LARP1: variants seen among roughly 807,000 people sequenced by gnomAD.
The protein encoded by LARP1 is la-related protein 1.
Under a neutral mutation model 122.7 loss-of-function variants are expected in LARP1, and 36 were observed. The ratio of observed to expected loss-of-function variants is 0.29; its 90% CI spans 0.22 to 0.39. The LOEUF (loss-of-function observed/expected upper bound fraction) is 0.39. Ranked by LOEUF, LARP1 falls within the 10% of genes least tolerant of loss-of-function variation. The probability of loss-of-function intolerance (pLI) is 1.00; values close to 1 mark genes in which losing one functional copy is unlikely to be tolerated. For missense variants in LARP1, 1,040 were observed against 1,403.6 expected (o/e 0.74, Z 4.14); for synonymous variants, 539 against 528.7 (o/e 1.02, Z -0.27).
Position 154,792,817 on chromosome 5 carries a change from C to G in LARP1, c.739+21C>G, listed in dbSNP as rs376510099. ...GAAAGGTGAGTGACTGGGAGCAGGA[C>G]TTGGGAGAAGGTGGCAGGGTAGAAC... On this transcript the variant is annotated intron_variant, in intron 4 of 18. Transcript: ENST00000518297. 4 of 1,611,318 alleles carry G rather than the reference C, an allele frequency of 2.5e-6. No individual in the cohort carries two copies. In the South Asian group the frequency reaches 3.3e-5, roughly 13 times the overall value.
chr5:154,765,831 G>C (rs563576563), intron 1 of LARP1, among the ~76,000 whole-genome samples: 1 of 152,192 alleles, frequency 6.6e-6, no homozygotes, highest in Non-Finnish European at 1.5e-5. Context: ...AATGAATTGC[G>C]TATTTTTAAT....
chr5:154,735,995 C>T (rs1756872968), intron 1 of LARP1, among the ~76,000 whole-genome samples: 1 of 152,026 alleles, frequency 6.6e-6, no homozygotes, highest in African/African-American at 2.4e-5. Flanking sequence ...TCTTAGCTCA[C>T]TGCAGCCTTT....
At chr5:154,792,995 AT>A (rs1431734745) in intron 4 of LARP1, among the ~76,000 whole-genome samples, 199 bp downstream of exon 4, 1 of 152,236 alleles carries the variant, frequency 6.6e-6, no homozygotes, top group Non-Finnish European at 1.5e-5. Flanking sequence ...ACCTGCTGAA[AT>A]TTTGGCTTCT....
At chr5:154,798,529 G>T (rs1184286178) in intron 8 of LARP1, among the ~76,000 whole-genome samples, 1 of 152,060 alleles carries the variant, frequency 6.6e-6, no homozygotes, top group Non-Finnish European at 1.5e-5. Flanking sequence ...GGATGTTTTG[G>T]TTGTTTTTTT....
chr5:154,749,352 G>A (rs1189866269), intron 1 of LARP1, among the ~76,000 whole-genome samples: 1 of 152,164 alleles, frequency 6.6e-6, no homozygotes, highest in Non-Finnish European at 1.5e-5. Context: ...GGGTGAGTGT[G>A]TTAAAAGTTA....
Position 154,794,113 on chromosome 5 carries a change from C to T in LARP1, c.1083C>T (p.Tyr361=). The T allele has an allele frequency of 6.2e-7, 1 of 1,614,180 alleles. No individual in the cohort carries two copies. Among genetic ancestry groups the T allele is most frequent in the Non-Finnish European group, 8.5e-7 (1 of 1,180,022 alleles). ...TTTCCCCCATAGCCCATTTTGACTA[C>T]CAGTTTGGCTACCGAAAGTTTGATG... ...GRGGTRTHFD[Y]QFGYRKFDGV... Residue 361 remains tyrosine (Y), a synonymous_variant, in exon 7 of 19, where the codon TAC becomes TAT. Transcript: ENST00000518297.
At chr5:154,692,648 A>G (rs972893663) in intron 1 of LARP1, among the ~76,000 whole-genome samples, 1 of 152,190 alleles carries the variant, frequency 6.6e-6, no homozygotes, top group Non-Finnish European at 1.5e-5. Context: ...CAGGGTAAAG[A>G]GTTCTTCGTC....
chr5:154,810,310 C>G (rs1582489620), intron 16 of LARP1, among the ~76,000 whole-genome samples: 1 of 151,568 alleles, frequency 6.6e-6, no homozygotes, highest in East Asian at 2.0e-4. Context: ...GTGGCACATG[C>G]CTGTAGTTCC....
intron 1 of LARP1, among the ~76,000 whole-genome samples, chr5:154,715,539 G>A (rs1278651422): frequency 1.3e-5 from 2 of 151,992 alleles, no homozygotes; most frequent in African/African-American, 2.4e-5. Flanking sequence ...CACCGTGCCC[G>A]ACCAAGCCTG....
chr5:154,700,740 C>T (rs926872542), intron 1 of LARP1, among the ~76,000 whole-genome samples: 5 of 151,812 alleles, frequency 3.3e-5, no homozygotes, highest in African/African-American at 1.2e-4. Flanking sequence ...CCTCCCACCT[C>T]AGGCTCCCAA....
chr5:154,741,021 G>A (rs948977395), intron 1 of LARP1, among the ~76,000 whole-genome samples: 4 of 152,208 alleles, frequency 2.6e-5, no homozygotes, highest in Non-Finnish European at 5.9e-5. Flanking sequence ...TGGGAGAACA[G>A]GTGGCTGTGC....
chr5:154,809,901 G>T (rs1759117733), intron 16 of LARP1, among the ~76,000 whole-genome samples: 3 of 151,524 alleles, frequency 2.0e-5, no homozygotes, highest in African/African-American at 4.8e-5. Flanking sequence ...TAGAGACGAG[G>T]TTTCGCTGTG....
At chr5:154,799,489 G>T in intron 8 of LARP1, 102 bp from the exon 9 acceptor site, 1 of 1,165,938 alleles carries the variant, frequency 8.6e-7, no homozygotes, top group Non-Finnish European at 1.2e-6. Flanking sequence ...TGGTAGCATT[G>T]GACTCATACC....
At chr5:154,722,174 T>G (rs1755913985) in intron 1 of LARP1, among the ~76,000 whole-genome samples, 1 of 152,184 alleles carries the variant, frequency 6.6e-6, no homozygotes, top group African/African-American at 2.4e-5. Context: ...GTCTAGCCCC[T>G]GCAGAATATG....
intron 1 of LARP1, among the ~76,000 whole-genome samples, chr5:154,704,647 C>CAAAA (rs75268894): frequency 1.9e-5 from 1 of 52,806 alleles, no homozygotes; most frequent in African/African-American, 7.1e-5. Flanking sequence ...AACCCTGTCT[C>CAAAA]AAAAAAAAAA....
chr5:154,802,507 A>T lies in LARP1; in HGVS notation c.2109+108A>T. The T allele has an allele frequency of 2.2e-6, 3 of 1,334,300 alleles. No individual in the cohort carries two copies. Among genetic ancestry groups the T allele is most frequent in the Non-Finnish European group, 1.0e-6 (1 of 1,000,840 alleles). 82.7% of individuals were successfully genotyped at this position (1,334,300 alleles called of 1,614,324 possible). ...TTTTAGGCAGGTCCTTATAATTCAGAGTCTCAGGATTTTTATATATGGGAA... is the reference window on the plus strand; with the variant it reads ...TTTTAGGCAGGTCCTTATAATTCAGTGTCTCAGGATTTTTATATATGGGAA... On this transcript the variant is annotated intron_variant, in intron 11 of 18. Transcript: ENST00000518297. This position sits in a 1 kb window ranked among gnomAD's most constrained non-coding sequence, Gnocchi z 5.1.
intron 7 of LARP1, 134 bp downstream of exon 7, chr5:154,794,396 A>G (rs1027037745): frequency 1.9e-5 from 15 of 782,314 alleles, no homozygotes; most frequent in Admixed American, 3.0e-5. Flanking sequence ...AGCTTTTCTC[A>G]TTGTTTATTA....
At chr5:154,700,151 C>T (rs1754646670) in intron 1 of LARP1, among the ~76,000 whole-genome samples, 1 of 152,062 alleles carries the variant, frequency 6.6e-6, no homozygotes, top group Non-Finnish European at 1.5e-5. Context: ...ATGCAGTAAT[C>T]AAATAATATT....
At chr5:154,685,286 T>C (rs1408510776) in intron 1 of LARP1, among the ~76,000 whole-genome samples, 1 of 151,020 alleles carries the variant, frequency 6.6e-6, no homozygotes, top group Non-Finnish European at 1.5e-5. Context: ...TGTGGCCTTC[T>C]GAGCCATGCA....
Sources: gnomAD v4.1 joint callset for allele counts (sites outside exome capture counted in the v4.1 genomes callset) on GRCh38, gnomAD v4.1.1 for gene constraint, Gnocchi (gnomAD v3.1) non-coding constraint, MANE v1.5 for transcripts, NCBI Gene and HGNC (gene_info 2026-07-23, HGNC 2026-07-21) for gene names.